The following FAF1 variants were observed in gnomAD, a reference collection of about 807,000 sequenced individuals.
FAF1 encodes the protein Fas associated factor 1.
In FAF1, 25 loss-of-function variants were observed where a neutral mutation model predicts 92.5. The ratio of observed to expected loss-of-function variants is 0.27; its 90% CI spans 0.20 to 0.38. The LOEUF (loss-of-function observed/expected upper bound fraction) is 0.38. Ranked by LOEUF, FAF1 falls within the 10% of genes least tolerant of loss-of-function variation. The pLI, the probability that FAF1 is intolerant of heterozygous loss-of-function variation, is 1.00. For missense variants in FAF1, 636 were observed against 793.3 expected (o/e 0.80, Z 2.38); for synonymous variants, 234 against 273.2 (o/e 0.86, Z 1.42).
intron 8 of FAF1, among the ~76,000 whole-genome samples, chr1:50,649,688 A>G (rs948864284): frequency 1.3e-5 from 2 of 151,602 alleles, no homozygotes; most frequent in Admixed American, 1.3e-4. Flanking sequence ...CATGCCTGTA[A>G]TCCCAGCACT....
chr1:50,742,669 C>T (rs2124492711), intron 5 of FAF1, among the ~76,000 whole-genome samples: 1 of 152,308 alleles, frequency 6.6e-6, no homozygotes, highest in Non-Finnish European at 1.5e-5. Flanking sequence ...CAAGGGTGAG[C>T]CACTCCACCC....
chr1:50,934,726 TAATA>T (rs1248171608), intron 1 of FAF1, among the ~76,000 whole-genome samples: 2 of 152,150 alleles, frequency 1.3e-5, no homozygotes, highest in Non-Finnish European at 2.9e-5. Context: ...TCAAAAATAA[TAATA>T]AATAAGTGAC....
At chr1:50,726,502 C>T (rs528084745) in intron 6 of FAF1, among the ~76,000 whole-genome samples, 37 of 152,198 alleles carry the variant, frequency 2.4e-4, no homozygotes, top group Non-Finnish European at 4.4e-4. Flanking sequence ...CAAGACCATC[C>T]TGGCTAACAC....
chr1:50,475,987 T>G (rs1266996216), intron 17 of FAF1, among the ~76,000 whole-genome samples: 1 of 152,160 alleles, frequency 6.6e-6, no homozygotes, highest in Admixed American at 6.5e-5. Context: ...TCAAAGACAT[T>G]CATATCAAAT....
At chr1:50,912,079 A>T (rs1644890275) in intron 1 of FAF1, among the ~76,000 whole-genome samples, 1 of 152,098 alleles carries the variant, frequency 6.6e-6, no homozygotes, top group Non-Finnish European at 1.5e-5. Flanking sequence ...CTGACGCACA[A>T]CGAAGCACAC....
At chr1:50,624,113 T>A (rs910129124) in intron 8 of FAF1, among the ~76,000 whole-genome samples, 1 of 152,112 alleles carries the variant, frequency 6.6e-6, no homozygotes, top group African/African-American at 2.4e-5. Flanking sequence ...TGGCAGGCAG[T>A]CAAGTAGAAA....
At chr1:50,859,797 C>A (rs1359584028) in intron 1 of FAF1, among the ~76,000 whole-genome samples, 1 of 151,932 alleles carries the variant, frequency 6.6e-6, no homozygotes, top group African/African-American at 2.4e-5. Flanking sequence ...CAAAGTAATC[C>A]TAAGCAAAAA....
chr1:50,489,134 G>A (rs946182022), intron 17 of FAF1, among the ~76,000 whole-genome samples: 5 of 152,036 alleles, frequency 3.3e-5, no homozygotes, highest in Non-Finnish European at 5.9e-5. Context: ...ATGTCATTTA[G>A]CACATTTTTT....
chr1:50,448,906 G>A (rs928543439), intron 18 of FAF1, among the ~76,000 whole-genome samples: 2 of 146,828 alleles, frequency 1.4e-5, no homozygotes, highest in East Asian at 2.0e-4. Flanking sequence ...TAACAATTAG[G>A]TTTTGATGTA....
chr1:50,810,476 A>G (rs1438184413), intron 2 of FAF1, among the ~76,000 whole-genome samples: 1 of 152,178 alleles, frequency 6.6e-6, no homozygotes, highest in African/African-American at 2.4e-5. Context: ...CCAACATCAC[A>G]CTGAATGGGC....
chr1:50,505,485 A>T (rs1647048128), intron 15 of FAF1, among the ~76,000 whole-genome samples: 1 of 152,200 alleles, frequency 6.6e-6, no homozygotes, highest in South Asian at 2.1e-4. Flanking sequence ...ATAAAAGCTG[A>T]ATACTATGTT....
At chr1:50,491,849 A>G (rs1260222880) in intron 15 of FAF1, 48 bp from the exon 16 acceptor site, 4 of 1,422,560 alleles carry the variant, frequency 2.8e-6, no homozygotes, top group African/African-American at 1.4e-5. Context: ...CTTTTTTTTG[A>G]AAAAAAAGAG....
chr1:50,555,225 A>G (rs924139491), intron 13 of FAF1, among the ~76,000 whole-genome samples: 4 of 151,510 alleles, frequency 2.6e-5, no homozygotes, highest in Non-Finnish European at 5.9e-5. Flanking sequence ...ACACACACAC[A>G]TACACACACA....
intron 1 of FAF1, among the ~76,000 whole-genome samples, chr1:50,945,184 A>G (rs1175092006): frequency 1.3e-5 from 2 of 152,230 alleles, no homozygotes; most frequent in African/African-American, 2.4e-5. Flanking sequence ...AAGGTGCACT[A>G]CTGTTAGACT....
chr1:50,654,791 ATT>A (rs1183986543), intron 8 of FAF1, among the ~76,000 whole-genome samples: 1 of 152,178 alleles, frequency 6.6e-6, no homozygotes, highest in East Asian at 1.9e-4. Flanking sequence ...ATCTGAATAT[ATT>A]CTTCTCATCA....
chr1:50,819,638 T>TCACACACACACA lies in FAF1; in HGVS notation c.115-17973_115-17962dup, dbSNP rs375892280. 9.5e-3 allele frequency among the ~76,000 whole-genome samples: 929 copies of TCACACACACACA among 97,790 alleles called. 32 individuals carry two copies. The highest frequency in any genetic ancestry group is 0.025 in the African/African-American group (566 of 22,918). 64.2% of individuals were successfully genotyped at this position (97,790 alleles called of 152,430 possible). ...AAGACTGACCGACTGACTGACTCAC[T>TCACACACACACA]CACACACACACACACACACACACAC... On this transcript the variant is annotated intron_variant, in intron 2 of 18. Transcript: ENST00000396153.
chr1:50,677,506 A>T (rs1372434186), intron 7 of FAF1, among the ~76,000 whole-genome samples: 1 of 152,232 alleles, frequency 6.6e-6, no homozygotes, highest in Admixed American at 6.5e-5. Flanking sequence ...AGTAATTAAA[A>T]AAGTAAACAC....
At chr1:50,694,192 A>G (rs913937572) in intron 7 of FAF1, among the ~76,000 whole-genome samples, 1 of 152,178 alleles carries the variant, frequency 6.6e-6, no homozygotes, top group African/African-American at 2.4e-5. Context: ...TTCAACAGCA[A>G]TGAACTGATA....
intron 18 of FAF1, among the ~76,000 whole-genome samples, chr1:50,457,185 C>T (rs1342601010): frequency 1.3e-5 from 2 of 150,756 alleles, no homozygotes; most frequent in East Asian, 3.9e-4. Flanking sequence ...GCAAAAGAAT[C>T]TTCAGGTTTG....
Sources: allele counts gnomAD v4.1 joint callset (sites outside exome capture counted in the v4.1 genomes callset), GRCh38; gene constraint gnomAD v4.1.1; transcripts MANE v1.5; gene names NCBI Gene and HGNC (gene_info 2026-07-23, HGNC 2026-07-21).